Variants in POLR2B observed in about 807,000 individuals in gnomAD.
POLR2B encodes the protein RNA polymerase II subunit B.
POLR2B carries 57 observed loss-of-function variants against 144.6 expected under a neutral mutation model. The ratio of observed to expected loss-of-function variants is 0.39; its 90% CI spans 0.32 to 0.49. The LOEUF (loss-of-function observed/expected upper bound fraction) is 0.49. POLR2B is among the 20% of genes least tolerant of loss of function. The pLI is 0.83. For synonymous variants in POLR2B, 442 were observed against 469.8 expected (o/e 0.94, Z 0.77); for missense variants, 595 against 1,467.4 (o/e 0.41, Z 9.71).
chr4:57,025,558 A>G (rs1424024188), intron 23 of POLR2B, 21 bp downstream of exon 23: 9 of 1,472,862 alleles, frequency 6.1e-6, no homozygotes, highest in Non-Finnish European at 7.6e-6. Flanking sequence ...TATCATCATC[A>G]TTATTATTAA....
intron 21 of POLR2B, 93 bp from the exon 22 acceptor site, chr4:57,024,793 T>C (rs1723662366): frequency 1.5e-6 from 1 of 664,110 alleles, no homozygotes; most frequent in Non-Finnish European, 2.6e-6. Context: ...TTTAAAAGTA[T>C]TTAAAAATTT....
chr4:57,027,071 C>T (rs1723745665), intron 23 of POLR2B, among the ~76,000 whole-genome samples: 1 of 151,826 alleles, frequency 6.6e-6, no homozygotes, highest in Admixed American at 6.6e-5. Flanking sequence ...TGCAGTGGTG[C>T]GATCTCGGCT....
intron 2 of POLR2B, among the ~76,000 whole-genome samples, chr4:56,988,045 G>C (rs1423464696): frequency 6.6e-6 from 1 of 152,036 alleles, no homozygotes; most frequent in Non-Finnish European, 1.5e-5. Context: ...GGGTAACATA[G>C]TGAGACCTTG....
intron 1 of POLR2B, among the ~76,000 whole-genome samples, chr4:56,979,263 T>C (rs1434948701): frequency 1.3e-5 from 2 of 152,188 alleles, no homozygotes; most frequent in Non-Finnish European, 2.9e-5. Context: ...CCTCGTTTCC[T>C]GTGGTGAAGT....
chr4:56,980,067 A>G (rs1722108227), intron 1 of POLR2B, among the ~76,000 whole-genome samples: 1 of 151,420 alleles, frequency 6.6e-6, no homozygotes, highest in Non-Finnish European at 1.5e-5. Context: ...AATCAGATGG[A>G]AAAAATTGAA....
intron 16 of POLR2B, among the ~76,000 whole-genome samples, chr4:57,019,864 A>C (rs1208671697): frequency 6.8e-6 from 1 of 147,338 alleles, no homozygotes; most frequent in Non-Finnish European, 1.5e-5. Flanking sequence ...CATTGCATTT[A>C]ATTGCATGGT....
At chr4:57,024,156 C>A in intron 21 of POLR2B, 44 bp downstream of exon 21, 2 of 1,024,024 alleles carry the variant, frequency 2.0e-6, no homozygotes, top group South Asian at 1.4e-5. Context: ...GCTGATGCTT[C>A]TTCTAAAACT....
intron 6 of POLR2B, among the ~76,000 whole-genome samples, chr4:56,996,280 T>A (rs55939960): frequency 0.37 from 11,917 of 32,312 alleles, 934 homozygotes; most frequent in African/African-American, 0.44. Flanking sequence ...ATATATATAT[T>A]TTTTTTTTTT....
At chr4:57,015,744 A>G (rs1284608644) in intron 14 of POLR2B, 88 bp downstream of exon 14, 1 of 445,480 alleles carries the variant, frequency 2.2e-6, no homozygotes, top group East Asian at 4.5e-5. Flanking sequence ...TATTTTTTAT[A>G]TTTTTATTTA....
rs532793782 is a variant in POLR2B at position 56,996,386 on chromosome 4, T to G, written c.735+977T>G. ...AGCTCCGCCTCCTGGGTTCACGCCA[T>G]TCTCCTGCCTCAGCCTCCCGAGTAG... On this transcript the variant is annotated intron_variant, in intron 6 of 24. Transcript: ENST00000314595. Among the ~76,000 whole-genome samples, 920 of 148,628 alleles carry G rather than the reference T, an allele frequency of 6.2e-3. 4 individuals carry two copies. The highest frequency in any genetic ancestry group is 0.031 in the Middle Eastern group (9 of 288).
rs556119101 is a variant in POLR2B at position 56,981,247 on chromosome 4, C to T, written c.19+2243C>T. Among the ~76,000 whole-genome samples, 6 of 152,098 alleles carry T rather than the reference C, an allele frequency of 3.9e-5. 1 individual carries two copies. The highest frequency in any genetic ancestry group is 3.3e-4 in the Admixed American group (5 of 15,270). Reference sequence around the variant, plus strand: ...TCGTATCAGTACACAGAAAGCATCGCGCCCCCCCTCCCGTGTCCCCACCCC... The same window carrying T: ...TCGTATCAGTACACAGAAAGCATCGTGCCCCCCCTCCCGTGTCCCCACCCC... On this transcript the variant is annotated intron_variant, in intron 1 of 24. Transcript: ENST00000314595.
At chr4:57,015,683 G>A (rs777990752) in intron 14 of POLR2B, 27 bp downstream of exon 14, 3 of 1,190,552 alleles carry the variant, frequency 2.5e-6, no homozygotes, top group South Asian at 2.4e-5. Context: ...AGAAAAATGT[G>A]TGTATTAAAA....
Position 57,025,482 on chromosome 4 carries a change from C to T in POLR2B, c.3184C>T (p.Arg1062Cys). Residue 1062 changes from arginine (R) to cysteine (C), a missense_variant, in exon 23 of 25, where the codon CGT (arginine) becomes TGT (cysteine). Physicochemically the swap from Arg to Cys is radical, Grantham distance 180. This residue lies in a region of POLR2B where 65 missense variants were observed against 282.8 expected (regional missense o/e 0.23). Transcript: ENST00000314595. ...TATGGTGGATGATAAGATTCACTCT[C>T]GTGCTAGGGGACCTATTCAGATCCT... Reference protein sequence around the residue: ...KHMVDDKIHSRARGPIQILNR... With the variant: ...KHMVDDKIHSCARGPIQILNR... 2 of 1,610,396 alleles carry T rather than the reference C, an allele frequency of 1.2e-6. No homozygotes were observed. Among genetic ancestry groups the T allele is most frequent in the Non-Finnish European group, 1.7e-6 (2 of 1,176,646 alleles).
intron 13 of POLR2B, among the ~76,000 whole-genome samples, chr4:57,012,332 G>T (rs1388981271): frequency 6.6e-6 from 1 of 152,040 alleles, no homozygotes; most frequent in African/African-American, 2.4e-5. Flanking sequence ...TTAAATCCGG[G>T]AGGCAGAGGT....
intron 17 of POLR2B, 120 bp from the exon 18 acceptor site, chr4:57,022,032 G>T (rs2109713468): frequency 3.2e-6 from 2 of 623,508 alleles, no homozygotes; most frequent in Non-Finnish European, 5.8e-6. Flanking sequence ...AGTTACTCTT[G>T]TCCCAGATTC....
At chr4:57,021,166 ATGCT>A (rs72035145) in intron 17 of POLR2B, among the ~76,000 whole-genome samples, 171 bp downstream of exon 17, 10,563 of 152,298 alleles carry the variant, frequency 0.069, 583 homozygotes, top group East Asian at 0.21. Context: ...GGATTTTCAA[ATGCT>A]AGTATTTTGA....
chr4:56,993,571 T>C (rs10002269), intron 3 of POLR2B, among the ~76,000 whole-genome samples: 14,479 of 152,230 alleles, frequency 0.095, 907 homozygotes, highest in African/African-American at 0.17. Context: ...TAGAGAAAAG[T>C]ACACTATCCA....
At position 57,030,419 on chromosome 4, in the gene POLR2B, G is replaced by A. The variant is rs779954379; in HGVS notation, c.3435+20G>A. On this transcript the variant is annotated intron_variant, in intron 24 of 24. Transcript: ENST00000314595. ...ACCCAGGTGTGTATAGACTTTACTGGCAGTTGATATTTGTTTAGAGGAAAC... is the reference window on the plus strand; with the variant it reads ...ACCCAGGTGTGTATAGACTTTACTGACAGTTGATATTTGTTTAGAGGAAAC... 1 of 1,559,768 alleles carries A rather than the reference G, an allele frequency of 6.4e-7. No homozygotes were observed. Among genetic ancestry groups the A allele is most frequent in the Non-Finnish European group, 8.8e-7 (1 of 1,141,092 alleles).
Position 56,995,258 on chromosome 4 carries a change from T to C in POLR2B, c.584T>C (p.Ile195Thr). The change falls in exon 6 of 25, where the codon ATT becomes ACT. Residue 195 changes from isoleucine (I) to threonine (T), a missense_variant. This residue lies in a region of POLR2B where 251 missense variants were observed against 567.3 expected (regional missense o/e 0.44). Transcript: ENST00000314595. ...FIINGSEKVL[I>T]AQEKMATNTV... ...TTCTTATTGTCCAAATAGGTTCTGA[T>C]TGCCCAAGAGAAAATGGCAACAAAC... 1 of 1,605,222 alleles carries C rather than the reference T, an allele frequency of 6.2e-7. No individual in the cohort carries two copies. Among genetic ancestry groups the C allele is most frequent in the Non-Finnish European group, 8.5e-7 (1 of 1,173,436 alleles).
Sources: gnomAD v4.1 joint callset for allele counts (sites outside exome capture counted in the v4.1 genomes callset) on GRCh38, gnomAD v4.1.1 for gene constraint, gnomAD v4.1.1 regional missense constraint, MANE v1.5 for transcripts, NCBI Gene and HGNC (gene_info 2026-07-23, HGNC 2026-07-21) for gene names.